The following XPO5 variants were observed in gnomAD, a reference collection of about 807,000 sequenced individuals.
The protein encoded by XPO5 is exportin-5.
In XPO5, 46 loss-of-function variants were observed where a neutral mutation model predicts 160.6. The observed-to-expected ratio is 0.29, with a 90% CI of 0.23 to 0.37. The LOEUF (loss-of-function observed/expected upper bound fraction) is 0.37. Ranked by LOEUF, XPO5 falls within the 10% of genes least tolerant of loss-of-function variation. XPO5 has a pLI of 1.00. For missense variants in XPO5, 1,090 were observed against 1,463.9 expected (o/e 0.74, Z 4.17); for synonymous variants, 537 against 519.3 (o/e 1.03, Z -0.46).
chr6:43,532,448 T>G (rs1233069544), intron 21 of XPO5, among the ~76,000 whole-genome samples: 2 of 152,216 alleles, frequency 1.3e-5, no homozygotes, highest in African/African-American at 4.8e-5. Flanking sequence ...AGCCTGAAGC[T>G]TCTGAGATGG....
chr6:43,553,314 GA>G, intron 14 of XPO5, 58 bp downstream of exon 14: 1 of 1,547,970 alleles, frequency 6.5e-7, no homozygotes, highest in Non-Finnish European at 8.7e-7. Flanking sequence ...AATAGAAAGA[GA>G]AAAGAAAAGA....
intron 20 of XPO5, among the ~76,000 whole-genome samples, chr6:43,536,471 T>C: frequency 6.6e-6 from 1 of 151,180 alleles, no homozygotes; most frequent in East Asian, 2.0e-4. Flanking sequence ...CTAGAAGTTT[T>C]ACTTTGGCCA....
chr6:43,557,823 G>A (rs987937934), intron 12 of XPO5, among the ~76,000 whole-genome samples: 8 of 150,328 alleles, frequency 5.3e-5, no homozygotes, highest in Admixed American at 4.6e-4. Context: ...GGCTGGGCGC[G>A]GTGGTTCGCA....
intron 12 of XPO5, among the ~76,000 whole-genome samples, chr6:43,556,457 T>C (rs2127739442): frequency 6.9e-6 from 1 of 144,362 alleles, no homozygotes; most frequent in East Asian, 2.0e-4. Context: ...CCCAGGGAGG[T>C]GAAGATTGTA....
chr6:43,527,962 C>T (rs751260204), intron 25 of XPO5, among the ~76,000 whole-genome samples, 197 bp downstream of exon 25: 1 of 152,124 alleles, frequency 6.6e-6, no homozygotes, highest in Non-Finnish European at 1.5e-5. Flanking sequence ...TAACAGTAGC[C>T]CCTATGAAGG....
chr6:43,564,065 A>G (rs1371003673), intron 8 of XPO5, among the ~76,000 whole-genome samples: 3 of 152,016 alleles, frequency 2.0e-5, no homozygotes, highest in Non-Finnish European at 4.4e-5. Context: ...AAGAATACAC[A>G]CATGCACCAC....
At chr6:43,574,836 C>A (rs1456895729) in intron 1 of XPO5, among the ~76,000 whole-genome samples, 4 of 152,012 alleles carry the variant, frequency 2.6e-5, no homozygotes, top group African/African-American at 7.3e-5. Context: ...TAATAAAAAC[C>A]AAACTAATGG....
intron 20 of XPO5, among the ~76,000 whole-genome samples, chr6:43,541,276 G>GT (rs1281541159): frequency 1.3e-5 from 2 of 152,170 alleles, no homozygotes; most frequent in African/African-American, 4.8e-5. Context: ...TGGATTGTTT[G>GT]TAACACAAAG....
At chr6:43,572,698 G>T in intron 2 of XPO5, 120 bp from the exon 3 acceptor site, 1 of 1,102,520 alleles carries the variant, frequency 9.1e-7, no homozygotes, top group South Asian at 1.4e-5. Context: ...TTATACTTTT[G>T]ATTTTGTACC....
chr6:43,564,776 G>GT (rs1297459195), intron 8 of XPO5, among the ~76,000 whole-genome samples: 3 of 151,860 alleles, frequency 2.0e-5, no homozygotes, highest in African/African-American at 7.3e-5. Context: ...ACTAATTTCT[G>GT]TATTTTTTTG....
At position 43,548,320 on chromosome 6, in the gene XPO5, C is replaced by T; in HGVS notation, c.2001G>A (p.Val667=). 4.3e-6 allele frequency: 7 copies of T among 1,613,570 alleles called. No homozygotes were observed. Among genetic ancestry groups the T allele is most frequent in the Non-Finnish European group, 5.9e-6 (7 of 1,179,616 alleles). The change falls in exon 18 of 32, where the codon GTG becomes GTA. Residue 667 remains valine, a synonymous_variant. Coordinates refer to ENST00000265351, the MANE Select transcript of XPO5 (RefSeq NM_020750.3). ...CTGGTGCCATCAGCTCCTCTAGGAA[C>T]ACCTTCTGACGCTCGTAGTTCTTAA... is the stretch of plus-strand genomic sequence containing the variant. The part of the protein sequence containing the change: ...NQFKNYERQK[V]FLEELMAPVA...
chr6:43,555,741 C>G (rs1762046563), intron 13 of XPO5, 95 bp downstream of exon 13: 2 of 1,472,544 alleles, frequency 1.4e-6, no homozygotes, highest in East Asian at 4.6e-5. Flanking sequence ...ATAAGTATAT[C>G]GTTCTGATGT....
chr6:43,544,475 TAG>T (rs1794869897), intron 20 of XPO5, among the ~76,000 whole-genome samples: 1 of 152,234 alleles, frequency 6.6e-6, no homozygotes, highest in Non-Finnish European at 1.5e-5. Context: ...TTGTGGCCTC[TAG>T]AGTCAACCAG....
At position 43,560,256 on chromosome 6, in the gene XPO5, A is replaced by G; in HGVS notation, c.1143T>C (p.His381=). Residue 381 remains histidine, a synonymous_variant, in exon 11 of 32, where the codon CAT becomes CAC. Coordinates refer to ENST00000265351, the MANE Select transcript of XPO5 (RefSeq NM_020750.3). The stretch of plus-strand genomic sequence containing the variant: ...GCAAAGGATCACGGGACAGGATTTC[A>G]TGCCTGAAGAGGGCTCCCCAAGTCA... ...TQMTWGALFR[H]EILSRDPLLL... is the part of the protein sequence containing the mutation. 6.2e-7 allele frequency: 1 copy of G among 1,612,356 alleles called. No individual in the cohort carries two copies. The highest frequency in any genetic ancestry group is 8.5e-7 in the Non-Finnish European group (1 of 1,179,102).
At chr6:43,568,244 T>C (rs1762802100) in intron 6 of XPO5, among the ~76,000 whole-genome samples, 1 of 151,908 alleles carries the variant, frequency 6.6e-6, no homozygotes, top group Non-Finnish European at 1.5e-5. Context: ...GAGGCAGAGC[T>C]TGCAGTGAGC....
At chr6:43,536,758 TAAAAAAAAAA>T (rs1156884252) in intron 20 of XPO5, among the ~76,000 whole-genome samples, 6 of 19,082 alleles carry the variant, frequency 3.1e-4, no homozygotes, top group African/African-American at 1.2e-3. Flanking sequence ...AGACTCTATC[TAAAAAAAAAA>T]AAAAAAAAAA....
intron 2 of XPO5, 106 bp downstream of exon 2, chr6:43,573,374 T>A: frequency 7.0e-7 from 1 of 1,426,872 alleles, no homozygotes; most frequent in Non-Finnish European, 9.5e-7. Context: ...CCTCTCTTCT[T>A]GGAGATTGCT....
In XPO5 at chr6:43,527,619, C is replaced by T. The variant is rs371221971; in HGVS notation, c.2920+15G>A. 6 of 1,613,462 alleles carry T rather than the reference C, an allele frequency of 3.7e-6. No homozygotes were observed. Among genetic ancestry groups the T allele is most frequent in the East Asian group, 2.2e-5 (1 of 44,868 alleles). On this transcript the variant is annotated intron_variant, in intron 26 of 31. Coordinates refer to ENST00000265351, the MANE Select transcript of XPO5 (RefSeq NM_020750.3). Reference sequence around the variant, plus strand: ...GGAAAATCCTCTATAGCCCCAGTTTCGACATGCCACTTACTGATTAGGTCC... The same window carrying T: ...GGAAAATCCTCTATAGCCCCAGTTTTGACATGCCACTTACTGATTAGGTCC...
At chr6:43,573,830 T>TC (rs1218720015) in intron 1 of XPO5, among the ~76,000 whole-genome samples, 2 of 138,288 alleles carry the variant, frequency 1.4e-5, no homozygotes, top group Non-Finnish European at 3.1e-5. Context: ...TATATTTTTT[T>TC]TTTTTTTTTT....
Sources: gnomAD v4.1 joint callset for allele counts (sites outside exome capture counted in the v4.1 genomes callset) on GRCh38, gnomAD v4.1.1 for gene constraint, MANE v1.5 for transcripts, NCBI Gene and HGNC (gene_info 2026-07-23, HGNC 2026-07-21) for gene names.